Variants in SYNDIG1 observed in about 807,000 individuals in gnomAD.
SYNDIG1 encodes synapse differentiation inducing 1.
A neutral mutation model predicts 19.4 loss-of-function variants in SYNDIG1; 9 were observed. The ratio of observed to expected loss-of-function variants is 0.46; its 90% CI spans 0.28 to 0.81. The LOEUF (loss-of-function observed/expected upper bound fraction) is 0.81. SYNDIG1 is among the 30% of genes least tolerant of loss of function. The probability of loss-of-function intolerance (pLI) is 0.12; values close to 1 mark genes in which losing one functional copy is unlikely to be tolerated. For missense variants in SYNDIG1, 311 were observed against 343.3 expected (o/e 0.91, Z 0.74); for synonymous variants, 141 against 145.9 (o/e 0.97, Z 0.24).
chr20:24,587,934 T>C (rs2058444683), intron 3 of SYNDIG1, among the ~76,000 whole-genome samples: 1 of 152,150 alleles, frequency 6.6e-6, no homozygotes, highest in Non-Finnish European at 1.5e-5. Flanking sequence ...AACTGTTCAG[T>C]GAAGTCAAAG....
chr20:24,608,520 C>G (rs2058797594), intron 3 of SYNDIG1, among the ~76,000 whole-genome samples: 1 of 152,170 alleles, frequency 6.6e-6, no homozygotes, highest in Admixed American at 6.5e-5. Flanking sequence ...CGCCAACTGA[C>G]CTGCTTCAAG....
chr20:24,478,964 C>G (rs2055713514), intron 1 of SYNDIG1, among the ~76,000 whole-genome samples: 1 of 152,232 alleles, frequency 6.6e-6, no homozygotes, highest in Admixed American at 6.5e-5. Context: ...TTGTCTCGCT[C>G]TCAGCATAAG....
chr20:24,572,393 G>C (rs11905594), intron 2 of SYNDIG1, among the ~76,000 whole-genome samples: 2,792 of 152,294 alleles, frequency 0.018, 43 homozygotes, highest in African/African-American at 0.045. Context: ...CTGAACTCAG[G>C]GTTCTCCTGT....
At chr20:24,664,926 A>G (rs777700693) in intron 3 of SYNDIG1, among the ~76,000 whole-genome samples, 15 of 152,138 alleles carry the variant, frequency 9.9e-5, no homozygotes, top group Non-Finnish European at 2.1e-4. Context: ...AGATAGAAAT[A>G]TGCTTTAGAA....
At chr20:24,525,443 C>G (rs2057103811) in intron 1 of SYNDIG1, among the ~76,000 whole-genome samples, 1 of 151,960 alleles carries the variant, frequency 6.6e-6, no homozygotes, top group Non-Finnish European at 1.5e-5. Flanking sequence ...CACCACCATG[C>G]CTGGCTGATT....
chr20:24,650,218 C>T (rs1049965668), intron 3 of SYNDIG1, among the ~76,000 whole-genome samples: 59 of 152,334 alleles, frequency 3.9e-4, no homozygotes, highest in African/African-American at 1.3e-3. Context: ...CTGACCAGTC[C>T]CCAAGGCTGT....
intron 1 of SYNDIG1, among the ~76,000 whole-genome samples, chr20:24,496,067 G>A (rs559999454): frequency 2.3e-4 from 35 of 152,154 alleles, no homozygotes; most frequent in African/African-American, 7.9e-4. Context: ...GGATGGTCTC[G>A]ATCTCCTGAC....
At chr20:24,623,374 G>A (rs1415848141) in intron 3 of SYNDIG1, among the ~76,000 whole-genome samples, 1 of 152,092 alleles carries the variant, frequency 6.6e-6, no homozygotes, top group African/African-American at 2.4e-5. Context: ...ATTGCCAGCA[G>A]GTCTGAAGTC....
At chr20:24,607,952 TA>T (rs2058783668) in intron 3 of SYNDIG1, among the ~76,000 whole-genome samples, 1 of 152,234 alleles carries the variant, frequency 6.6e-6, no homozygotes, top group Admixed American at 6.5e-5. Flanking sequence ...TACAGAAATC[TA>T]TTTTAAACAC....
intron 1 of SYNDIG1, among the ~76,000 whole-genome samples, chr20:24,500,710 T>C (rs2056434653): frequency 6.6e-6 from 1 of 152,188 alleles, no homozygotes; most frequent in African/African-American, 2.4e-5. Flanking sequence ...CTCCACAACA[T>C]GCTTAGTTAA....
chr20:24,470,381 C>T (rs2055391992), intron 1 of SYNDIG1, among the ~76,000 whole-genome samples: 1 of 152,236 alleles, frequency 6.6e-6, no homozygotes, highest in Non-Finnish European at 1.5e-5. Flanking sequence ...GAAGCAGAGA[C>T]TCCTGGAGCC....
At chr20:24,579,093 A>T (rs1371585788) in intron 2 of SYNDIG1, among the ~76,000 whole-genome samples, 1 of 152,244 alleles carries the variant, frequency 6.6e-6, no homozygotes, top group Non-Finnish European at 1.5e-5. Flanking sequence ...AACATTTAAC[A>T]TCAAGAGAAA....
chr20:24,623,567 C>A (rs1167426900), intron 3 of SYNDIG1, among the ~76,000 whole-genome samples: 1 of 152,088 alleles, frequency 6.6e-6, no homozygotes, highest in Non-Finnish European at 1.5e-5. Context: ...AATAGTGATG[C>A]TGGCTTTGGT....
At chr20:24,646,854 C>CAG (rs2059427405) in intron 3 of SYNDIG1, among the ~76,000 whole-genome samples, 1 of 152,152 alleles carries the variant, frequency 6.6e-6, no homozygotes, top group South Asian at 2.1e-4. Flanking sequence ...CTTCTGACCT[C>CAG]AGGTGATCCA....
At chr20:24,648,900 AG>A (rs1215960159) in intron 3 of SYNDIG1, among the ~76,000 whole-genome samples, 1 of 152,240 alleles carries the variant, frequency 6.6e-6, no homozygotes, top group African/African-American at 2.4e-5. Flanking sequence ...CTGTTGGAAA[AG>A]GTACTGATTC....
rs887004544 is a variant in SYNDIG1, at chr20:24,544,408, G to A, written c.480+831G>A. Among the ~76,000 whole-genome samples the A allele has an allele frequency of 2.0e-5, 3 of 152,202 alleles. No individual in the cohort carries two copies. The East Asian group carries it at 5.8e-4, about 29-fold the overall frequency. On this transcript the variant is annotated intron_variant, in intron 2 of 3. Coordinates refer to ENST00000376862, the MANE Select transcript of SYNDIG1 (RefSeq NM_024893.3). ...TGCCAGGCTTTCCGTCAGTTTGGTGGGGAAGGAAACCGCCGAGCAGGTCCA... is the reference window on the plus strand; with the variant it reads ...TGCCAGGCTTTCCGTCAGTTTGGTGAGGAAGGAAACCGCCGAGCAGGTCCA...
chr20:24,640,203 G>C (rs1317446324), intron 3 of SYNDIG1, among the ~76,000 whole-genome samples: 1 of 151,924 alleles, frequency 6.6e-6, no homozygotes, highest in African/African-American at 2.4e-5. Flanking sequence ...GGGTCATGGG[G>C]AGTGCCTATA....
At chr20:24,572,230 G>C (rs996334261) in intron 2 of SYNDIG1, among the ~76,000 whole-genome samples, 1 of 152,158 alleles carries the variant, frequency 6.6e-6, no homozygotes, top group African/African-American at 2.4e-5. Flanking sequence ...CTAACCCCTG[G>C]TGTTTCAGTA....
chr20:24,643,097 C>T (rs1181450083), intron 3 of SYNDIG1, among the ~76,000 whole-genome samples: 1 of 152,066 alleles, frequency 6.6e-6, no homozygotes, highest in African/African-American at 2.4e-5. Context: ...ATATATCCAT[C>T]TGTATCTGTA....
Sources: gnomAD v4.1 joint callset for allele counts (sites outside exome capture counted in the v4.1 genomes callset) on GRCh38, gnomAD v4.1.1 for gene constraint, MANE v1.5 for transcripts, NCBI Gene and HGNC (gene_info 2026-07-23, HGNC 2026-07-21) for gene names.